ZNF704: variants seen among roughly 807,000 people sequenced by gnomAD.
ZNF704 encodes the protein glucocorticoid induced gene 1.
A neutral mutation model predicts 44.7 loss-of-function variants in ZNF704; 10 were observed. The observed-to-expected ratio is 0.22, with a 90% confidence interval of 0.14 to 0.38. ZNF704 has a LOEUF of 0.38. Among genes scored for constraint, ZNF704 ranks in the 10% least tolerant of loss-of-function variants. The pLI is 1.00. For synonymous variants in ZNF704, 211 were observed against 207.6 expected (o/e 1.02, Z -0.14); for missense variants, 390 against 545.5 (o/e 0.71, Z 2.84).
intron 1 of ZNF704, among the ~76,000 whole-genome samples, chr8:80,831,301 T>C (rs1808468779): frequency 6.6e-6 from 1 of 152,200 alleles, no homozygotes; most frequent in African/African-American, 2.4e-5. Flanking sequence ...GAGGGACATT[T>C]TTCTGATCCA....
At chr8:80,650,297 C>T (rs75193021) in intron 7 of ZNF704, among the ~76,000 whole-genome samples, 5,005 of 152,226 alleles carry the variant, frequency 0.033, 290 homozygotes, top group African/African-American at 0.11. Flanking sequence ...TCACCAGCAA[C>T]GGAACAAAGC....
rs1817600285 is a variant in ZNF704, at chr8:80,632,311, C to T, written c.*9055G>A. Reference sequence around the variant, plus strand: ...AGTAGCTGGAATTACAGGTGTGCGCCACCACGCCCGACTAATTTTTGTATT... The same window carrying T: ...AGTAGCTGGAATTACAGGTGTGCGCTACCACGCCCGACTAATTTTTGTATT... On this transcript the variant is annotated 3_prime_UTR_variant, in exon 9 of 9. Coordinates refer to ENST00000327835, the MANE Select transcript of ZNF704 (RefSeq NM_001033723.3). The T allele has an allele frequency of 6.6e-6, 1 of 152,152 alleles. No homozygotes were observed. The highest frequency in any genetic ancestry group is 1.5e-5 in the Non-Finnish European group (1 of 68,030). 9.4% of individuals were successfully genotyped at this position (152,152 alleles called of 1,614,324 possible). A position where few individuals can be genotyped will look rare whatever the true frequency, so the allele number is the denominator to read the frequency against.
chr8:80,799,696 C>T (rs536978921), intron 2 of ZNF704, among the ~76,000 whole-genome samples: 109 of 152,240 alleles, frequency 7.2e-4, no homozygotes, highest in African/African-American at 2.6e-3. Flanking sequence ...GAGACGCCCA[C>T]AATGATGAGA....
At position 80,687,214 on chromosome 8, in the gene ZNF704, C is replaced by T. The variant is rs748845531; in HGVS notation, c.558+12G>A. ...AAACTGAATGCAGAAGACCGCGTGGCTGACCACCAACCTTTCTTTTCCTGG... is the reference window on the plus strand; with the variant it reads ...AAACTGAATGCAGAAGACCGCGTGGTTGACCACCAACCTTTCTTTTCCTGG... On this transcript the variant is annotated intron_variant, in intron 4 of 8. Coordinates refer to ENST00000327835, the MANE Select transcript of ZNF704 (RefSeq NM_001033723.3). 1.9e-6 allele frequency: 3 copies of T among 1,605,480 alleles called. No homozygotes were observed. In the South Asian group the frequency reaches 3.3e-5, roughly 18 times the overall value.
chr8:80,727,856 G>A (rs912197258), intron 2 of ZNF704, among the ~76,000 whole-genome samples: 1 of 152,132 alleles, frequency 6.6e-6, no homozygotes, highest in Non-Finnish European at 1.5e-5. Flanking sequence ...CAAGGGTGTC[G>A]TGGGAAACAT....
chr8:80,873,331 C>G (rs1414460452), intron 1 of ZNF704, among the ~76,000 whole-genome samples: 2 of 152,162 alleles, frequency 1.3e-5, no homozygotes, highest in Non-Finnish European at 2.9e-5. Flanking sequence ...GAGCCGCCGC[C>G]TGGGAGAGAC....
chr8:80,833,260 G>GA (rs1156922127), intron 1 of ZNF704, among the ~76,000 whole-genome samples: 1 of 152,204 alleles, frequency 6.6e-6, no homozygotes, highest in Non-Finnish European at 1.5e-5. Context: ...TGAGGCAGGA[G>GA]AATCGCTTGA....
Position 80,644,961 on chromosome 8 carries a change from T to C in ZNF704, c.1033-1832A>G, listed in dbSNP as rs1003514582. 50 of 1,142,374 alleles carry C rather than the reference T, an allele frequency of 4.4e-5. 1 individual carries two copies. Among genetic ancestry groups the C allele is most frequent in the Non-Finnish European group, 6.3e-5 (47 of 751,902 alleles). The allele number at this position is 1,142,374 out of a possible 1,614,324, so 70.8% of individuals were successfully genotyped here. On this transcript the variant is annotated intron_variant, in intron 7 of 8. Transcript: ENST00000327835. ...TTTCTTTGTTTTCTCGGGTAGTGGG[T>C]GCCGGAACAGCAAGATGTGAGGTTC...
At chr8:80,826,624 A>T (rs984133666) in intron 1 of ZNF704, among the ~76,000 whole-genome samples, 2 of 152,108 alleles carry the variant, frequency 1.3e-5, no homozygotes, top group Non-Finnish European at 2.9e-5. Context: ...ACAACAAAAA[A>T]GGAGAATTTT....
At chr8:80,647,776 G>T (rs1017140224) in intron 7 of ZNF704, among the ~76,000 whole-genome samples, 2 of 152,188 alleles carry the variant, frequency 1.3e-5, no homozygotes, top group African/African-American at 4.8e-5. Flanking sequence ...GAGGCACAGT[G>T]GTGCCACTTT....
chr8:80,845,370 C>A (rs997530295), intron 1 of ZNF704, among the ~76,000 whole-genome samples: 2 of 152,172 alleles, frequency 1.3e-5, no homozygotes, highest in Non-Finnish European at 2.9e-5. Context: ...TAGGAAGTTT[C>A]AACATTTGAT....
chr8:80,702,723 A>G (rs542927098), intron 2 of ZNF704, among the ~76,000 whole-genome samples: 10 of 152,222 alleles, frequency 6.6e-5, no homozygotes, highest in Non-Finnish European at 1.2e-4. Flanking sequence ...GGAAGGAGAT[A>G]CTGGGGATGG....
chr8:80,728,421 T>G (rs1388746741), intron 2 of ZNF704, among the ~76,000 whole-genome samples: 1 of 152,224 alleles, frequency 6.6e-6, no homozygotes, highest in Non-Finnish European at 1.5e-5. Flanking sequence ...AAACCACAGA[T>G]GATCAAACCT....
intron 2 of ZNF704, among the ~76,000 whole-genome samples, chr8:80,788,537 C>T (rs1003801062): frequency 1.3e-5 from 2 of 152,192 alleles, no homozygotes; most frequent in Admixed American, 6.5e-5. Flanking sequence ...GGGAAAGCTG[C>T]TTAAAAGGGC....
chr8:80,720,137 G>C (rs1423332098), intron 2 of ZNF704, among the ~76,000 whole-genome samples: 1 of 152,202 alleles, frequency 6.6e-6, no homozygotes, highest in African/African-American at 2.4e-5. Context: ...CATTCCCCCT[G>C]CTGTGTGCCC....
At chr8:80,670,410 C>T in intron 5 of ZNF704, 93 bp downstream of exon 5, 1 of 904,306 alleles carries the variant, frequency 1.1e-6, no homozygotes. Context: ...TGTCCAGAAC[C>T]TTTAAGGCAC....
At chr8:80,643,193 T>C in intron 7 of ZNF704, 64 bp from the exon 8 acceptor site, 1 of 1,247,404 alleles carries the variant, frequency 8.0e-7, no homozygotes, top group South Asian at 1.5e-5. Flanking sequence ...TTAGTTAACC[T>C]TTGCTGTGTG....
At chr8:80,681,561 G>C (rs186113966) in intron 4 of ZNF704, among the ~76,000 whole-genome samples, 14 of 152,184 alleles carry the variant, frequency 9.2e-5, no homozygotes, top group Admixed American at 5.9e-4. Context: ...TACTCAGGTA[G>C]AGACAGTCAA....
chr8:80,720,766 G>T (rs1231739791), intron 2 of ZNF704, among the ~76,000 whole-genome samples: 1 of 152,164 alleles, frequency 6.6e-6, no homozygotes, highest in Non-Finnish European at 1.5e-5. Flanking sequence ...ACTCAGAAGC[G>T]GACCAAAGCC....
Sources: allele counts gnomAD v4.1 joint callset (sites outside exome capture counted in the v4.1 genomes callset), GRCh38; gene constraint gnomAD v4.1.1; transcripts MANE v1.5; gene names NCBI Gene and HGNC (gene_info 2026-07-23, HGNC 2026-07-21).